SLC9A2: variants seen among roughly 807,000 people sequenced by gnomAD.
SLC9A2 encodes solute carrier family 9 member A2.
A neutral mutation model predicts 71.7 loss-of-function variants in SLC9A2; 42 were observed. The observed-to-expected ratio is 0.59, with a 90% CI of 0.46 to 0.76. The LOEUF is 0.76. SLC9A2 is among the 30% of genes least tolerant of loss of function. The probability of loss-of-function intolerance (pLI) is 0.00; values close to 1 mark genes in which losing one functional copy is unlikely to be tolerated. For missense variants in SLC9A2, 829 were observed against 1,017.4 expected (o/e 0.81, Z 2.52); for synonymous variants, 396 against 392.5 (o/e 1.01, Z -0.10).
At chr2:102,628,591 G>A (rs543767189) in intron 1 of SLC9A2, among the ~76,000 whole-genome samples, 30 of 151,994 alleles carry the variant, frequency 2.0e-4, no homozygotes, top group African/African-American at 6.3e-4. Flanking sequence ...TTTGATATGC[G>A]GGGTTTCCAC....
At chr2:102,657,086 TC>T in intron 1 of SLC9A2, among the ~76,000 whole-genome samples, 1 of 151,804 alleles carries the variant, frequency 6.6e-6, no homozygotes, top group Non-Finnish European at 1.5e-5. Flanking sequence ...GTGCCTATAA[TC>T]CCAGCTATTC....
intron 1 of SLC9A2, among the ~76,000 whole-genome samples, chr2:102,635,388 A>G (rs1184987265): frequency 6.6e-6 from 1 of 152,230 alleles, no homozygotes; most frequent in Non-Finnish European, 1.5e-5. Flanking sequence ...TTTCTGGATG[A>G]GTATGGAAGA....
intron 5 of SLC9A2, among the ~76,000 whole-genome samples, chr2:102,691,941 G>C (rs1042743449): frequency 2.6e-5 from 4 of 152,202 alleles, no homozygotes; most frequent in Non-Finnish European, 5.9e-5. Context: ...GATAGGAAAA[G>C]AGCACGTGAA....
chr2:102,663,214 AG>A (rs1430228664), intron 2 of SLC9A2, among the ~76,000 whole-genome samples: 1 of 152,138 alleles, frequency 6.6e-6, no homozygotes, highest in Non-Finnish European at 1.5e-5. Context: ...TTAAGTTTTC[AG>A]GAGAATGAGT....
chr2:102,663,654 C>T (rs1218249164), intron 2 of SLC9A2, among the ~76,000 whole-genome samples: 2 of 152,124 alleles, frequency 1.3e-5, no homozygotes, highest in African/African-American at 4.8e-5. Context: ...GTCATTTGAC[C>T]TTGAACAAAT....
chr2:102,701,183 T>C lies in SLC9A2; in HGVS notation c.1700T>C (p.Met567Thr). The C allele has an allele frequency of 6.2e-7, 1 of 1,611,170 alleles. No individual in the cohort carries two copies. The highest frequency in any genetic ancestry group is 8.5e-7 in the Non-Finnish European group (1 of 1,178,948). Residue 567 changes from methionine to threonine, a missense_variant, in exon 8 of 12, where the codon ATG becomes ACG. Physicochemically the swap from Met to Thr is moderately conservative, Grantham distance 81. This residue lies in a region of SLC9A2 where 500 missense variants were observed against 726.3 expected (regional missense o/e 0.69). Transcript: ENST00000233969. ...KKLEIKHAIE[M>T]AETGMISTVP... is the part of the protein sequence containing the mutation. ...CTTGAAATAAAACATGCCATTGAGA[T>C]GGCAGAGACTGGGATGATAAGTACT...
intron 1 of SLC9A2, among the ~76,000 whole-genome samples, chr2:102,634,489 T>C (rs1377219243): frequency 6.6e-6 from 1 of 152,214 alleles, no homozygotes; most frequent in African/African-American, 2.4e-5. Context: ...GTTGCTACTT[T>C]ATAGACCTTG....
At position 102,677,299 on chromosome 2, in the gene SLC9A2, A is replaced by G. The variant is rs538498476; in HGVS notation, c.1005-5962A>G. On this transcript the variant is annotated intron_variant, in intron 3 of 11. Coordinates refer to ENST00000233969, the MANE Select transcript of SLC9A2 (RefSeq NM_003048.6). ...ATTTCCACCCACCCTCCCCAGGGGG[A>G]AAAAAAAAACTCTTTTGAGGTAGTG... Among the ~76,000 whole-genome samples the G allele has an allele frequency of 2.1e-3, 267 of 127,862 alleles. 1 individual carries two copies. Among genetic ancestry groups the G allele is most frequent in the African/African-American group, 7.0e-3 (176 of 25,104 alleles). The allele number at this position is 127,862 out of a possible 152,430, so 83.9% of individuals were successfully genotyped here. A position where few individuals can be genotyped will look rare whatever the true frequency, so the allele number is the denominator to read the frequency against.
chr2:102,706,428 G>A (rs560319397), intron 11 of SLC9A2, among the ~76,000 whole-genome samples: 3 of 152,266 alleles, frequency 2.0e-5, no homozygotes, highest in Middle Eastern at 6.8e-3. Context: ...CCTGTTGTGG[G>A]GTCGGGGGAG....
At chr2:102,659,741 C>T (rs1359227463) in intron 2 of SLC9A2, among the ~76,000 whole-genome samples, 1 of 152,094 alleles carries the variant, frequency 6.6e-6, no homozygotes, top group African/African-American at 2.4e-5. Flanking sequence ...TGGGAAACTG[C>T]CATAATAGTA....
At chr2:102,678,991 A>G (rs1010899165) in intron 3 of SLC9A2, among the ~76,000 whole-genome samples, 1 of 152,184 alleles carries the variant, frequency 6.6e-6, no homozygotes, top group African/African-American at 2.4e-5. Context: ...GTACACTGCA[A>G]CAAAAAAATC....
intron 1 of SLC9A2, among the ~76,000 whole-genome samples, chr2:102,654,924 T>TA (rs1244560947): frequency 6.6e-6 from 1 of 152,158 alleles, no homozygotes; most frequent in East Asian, 1.9e-4. Context: ...AAAGGCATCA[T>TA]AAAAATGTAG....
At chr2:102,688,120 A>T (rs955056344) in intron 5 of SLC9A2, among the ~76,000 whole-genome samples, 16 of 152,204 alleles carry the variant, frequency 1.1e-4, no homozygotes, top group Non-Finnish European at 1.6e-4. Flanking sequence ...GATTCCTTGG[A>T]CATTTGAGTT....
chr2:102,674,820 C>G (rs926858262), intron 3 of SLC9A2, among the ~76,000 whole-genome samples: 1 of 152,336 alleles, frequency 6.6e-6, no homozygotes, highest in Non-Finnish European at 1.5e-5. Context: ...AAGCATTTCT[C>G]TCTCTCAACT....
At chr2:102,687,970 C>A (rs574756887) in intron 5 of SLC9A2, among the ~76,000 whole-genome samples, 203 of 151,914 alleles carry the variant, frequency 1.3e-3, no homozygotes, top group Non-Finnish European at 2.3e-3. Flanking sequence ...AGTAGAGATG[C>A]GGTTTCGCTG....
At chr2:102,656,626 C>T (rs1046563283) in intron 1 of SLC9A2, among the ~76,000 whole-genome samples, 3 of 152,126 alleles carry the variant, frequency 2.0e-5, no homozygotes, top group Non-Finnish European at 2.9e-5. Context: ...AAGGAGCAAA[C>T]GTCTCAAATA....
rs576825615 is a variant in SLC9A2, at chr2:102,625,373, A to C, written c.289+5236A>C. 2.0e-5 allele frequency among the ~76,000 whole-genome samples: 3 copies of C among 152,268 alleles called. No homozygotes were observed. The South Asian group carries it at 6.2e-4, about 32-fold the overall frequency. ...TCTAGGGTACATGTGCACAACGTGC[A>C]GGTTTGTTACATATGTATACATGTG... is the stretch of plus-strand genomic sequence containing the variant. On this transcript the variant is annotated intron_variant, in intron 1 of 11. Coordinates refer to ENST00000233969, the MANE Select transcript of SLC9A2 (RefSeq NM_003048.6).
intron 1 of SLC9A2, among the ~76,000 whole-genome samples, chr2:102,626,472 G>C (rs1179121091): frequency 1.3e-5 from 2 of 152,124 alleles, no homozygotes; most frequent in African/African-American, 4.8e-5. Context: ...AAAAACCCTA[G>C]AAGAAAACCT....
At chr2:102,680,150 T>G (rs1216872008) in intron 3 of SLC9A2, among the ~76,000 whole-genome samples, 1 of 136,538 alleles carries the variant, frequency 7.3e-6, no homozygotes, top group Admixed American at 7.5e-5. Flanking sequence ...AATTTTCTAC[T>G]TGGCAACATT....
Sources: allele counts gnomAD v4.1 joint callset (sites outside exome capture counted in the v4.1 genomes callset), GRCh38; gene constraint gnomAD v4.1.1; regional missense constraint gnomAD v4.1.1; transcripts MANE v1.5; gene names NCBI Gene and HGNC (gene_info 2026-07-23, HGNC 2026-07-21).